The following BCO2 variants were observed in gnomAD, a reference collection of about 807,000 sequenced individuals.
BCO2 encodes carotenoid-cleaving dioxygenase, mitochondrial.
Under a neutral mutation model 65.8 loss-of-function variants are expected in BCO2, and 56 were observed. That is an observed-to-expected ratio of 0.85 (90% CI 0.69 to 1.06). The LOEUF (loss-of-function observed/expected upper bound fraction) is 1.06, where lower values mean the gene tolerates loss of function less well. Among genes scored for constraint, BCO2 ranks in the 50% least tolerant of loss-of-function variants. The pLI is 0.00. For missense variants in BCO2, 675 were observed against 698.5 expected, an observed-to-expected ratio of 0.97 and a Z score of 0.38; for synonymous variants, 233 against 242.3, an observed-to-expected ratio of 0.96 and a Z score of 0.36.
intron 2 of BCO2, among the ~76,000 whole-genome samples, chr11:112,188,234 T>A (rs1175744971): frequency 6.6e-6 from 1 of 152,246 alleles, no homozygotes; most frequent in African/African-American, 2.4e-5. Context: ...AGCCAGCCAG[T>A]CATTCAGGTC....
At chr11:112,200,212 A>G (rs1592853296) in intron 6 of BCO2, among the ~76,000 whole-genome samples, 1 of 152,148 alleles carries the variant, frequency 6.6e-6, no homozygotes, top group Non-Finnish European at 1.5e-5. Context: ...TATTTTCTGT[A>G]CTTTAAATCA....
chr11:112,181,096 G>C, intron 2 of BCO2: 1 of 1,493,750 alleles, frequency 6.7e-7, no homozygotes, highest in East Asian at 2.3e-5. Context: ...GCACTTTAGT[G>C]AATAAAGAAC....
At chr11:112,200,545 T>C in intron 6 of BCO2, 68 bp from the exon 7 acceptor site, 1 of 1,444,260 alleles carries the variant, frequency 6.9e-7, no homozygotes, top group South Asian at 1.3e-5. Flanking sequence ...CAAGTCCCCA[T>C]AACTGGCACA....
intron 8 of BCO2, among the ~76,000 whole-genome samples, chr11:112,206,018 G>T (rs1382076151): frequency 6.6e-6 from 1 of 152,114 alleles, no homozygotes; most frequent in Non-Finnish European, 1.5e-5. Context: ...TATTGAAAAT[G>T]CAAACTTGGG....
At chr11:112,178,838 T>A (rs1866952491) in intron 1 of BCO2, among the ~76,000 whole-genome samples, 1 of 152,218 alleles carries the variant, frequency 6.6e-6, no homozygotes, top group South Asian at 2.1e-4. Context: ...CTGGTATATC[T>A]AAATTACTGG....
At chr11:112,200,517 CGT>C (rs1385007200) in intron 6 of BCO2, 94 bp from the exon 7 acceptor site, 5 of 1,072,002 alleles carry the variant, frequency 4.7e-6, no homozygotes, top group Non-Finnish European at 6.8e-6. Flanking sequence ...GCATCAGTAA[CGT>C]GTCCAGGCAT....
chr11:112,176,461 G>A (rs1866883149), intron 1 of BCO2: 1 of 126,480 alleles, frequency 7.9e-6, no homozygotes, highest in Non-Finnish European at 1.6e-5. Context: ...TGAGTTAGGT[G>A]AGTAAATTTC....
At chr11:112,178,490 C>G (rs1423865465) in intron 1 of BCO2, among the ~76,000 whole-genome samples, 1 of 152,174 alleles carries the variant, frequency 6.6e-6, no homozygotes, top group Non-Finnish European at 1.5e-5. Flanking sequence ...CTGAATCACT[C>G]TTAAACTTTT....
intron 2 of BCO2, chr11:112,182,068 G>T: frequency 3.5e-6 from 1 of 286,462 alleles, no homozygotes; most frequent in South Asian, 4.8e-5. Context: ...CTTCTCAAAA[G>T]AAGACATTTA....
At chr11:112,205,199 C>T (rs555526448) in intron 8 of BCO2, among the ~76,000 whole-genome samples, 6 of 152,284 alleles carry the variant, frequency 3.9e-5, no homozygotes, top group African/African-American at 1.2e-4. Flanking sequence ...CAAGGGTCAT[C>T]TGTATTTTTT....
chr11:112,213,744 A>G lies in BCO2; in HGVS notation c.1215A>G (p.Lys405=), dbSNP rs754292452. The G allele has an allele frequency of 6.2e-7, 1 of 1,613,388 alleles. No homozygotes were observed. Among genetic ancestry groups the G allele is most frequent in the Non-Finnish European group, 8.5e-7 (1 of 1,179,638 alleles). Residue 405 remains lysine, a synonymous_variant, in exon 9 of 12, where the codon AAA becomes AAG. Transcript: ENST00000357685. ...GLDQVHNSAA[K]SFPRRFVLPL... is the part of the protein sequence containing the mutation. ...AACAGGTCCATAATTCAGCAGCCAA[A>G]TCTTTCCCTCGAAGGTTTGTTTTGC...
At chr11:112,194,187 T>C in intron 4 of BCO2, 193 bp downstream of exon 4, 1 of 540,438 alleles carries the variant, frequency 1.9e-6, no homozygotes. Context: ...AATATAATTC[T>C]AAACTCCTTC....
intron 5 of BCO2, among the ~76,000 whole-genome samples, chr11:112,197,547 CA>C (rs67238692): frequency 0.5 from 71,090 of 141,466 alleles, 17,536 homozygotes; most frequent in Non-Finnish European, 0.54. Flanking sequence ...GACCCTGTCT[CA>C]AAAAAAAAAA....
chr11:112,193,385 T>C, intron 2 of BCO2, 89 bp from the exon 3 acceptor site: 1 of 1,215,866 alleles, frequency 8.2e-7, no homozygotes, highest in Non-Finnish European at 1.2e-6. Flanking sequence ...TTCCTTATCT[T>C]TATATTTGAA....
At chr11:112,216,367 G>C in intron 11 of BCO2, 37 bp downstream of exon 11, 1 of 1,468,940 alleles carries the variant, frequency 6.8e-7, no homozygotes, top group Non-Finnish European at 9.5e-7. Flanking sequence ...AGAAAGAAAA[G>C]TAGCACTGAG....
At chr11:112,191,201 C>G (rs968833370) in intron 2 of BCO2, among the ~76,000 whole-genome samples, 1 of 151,608 alleles carries the variant, frequency 6.6e-6, no homozygotes, top group Non-Finnish European at 1.5e-5. Flanking sequence ...TCTCTTTATG[C>G]AAATGATATA....
chr11:112,193,906 A>C lies in BCO2; in HGVS notation c.545A>C (p.Tyr182Ser). 3.7e-6 allele frequency: 6 copies of C among 1,610,954 alleles called. No individual in the cohort carries two copies. The highest frequency in any genetic ancestry group is 5.1e-6 in the Non-Finnish European group (6 of 1,177,084). ...ATGACTGACAATACTAATGTCAACT[A>C]TGTGCGGTACAAGGGTGATTACTAC... ...AAMTDNTNVN[Y>S]VRYKGDYYLC... Residue 182 changes from tyrosine (Y) to serine (S), a missense_variant, in exon 4 of 12, where the codon TAT becomes TCT. By Grantham distance (144) the Tyr-to-Ser change is moderately radical (BLOSUM62 -2). Coordinates refer to ENST00000357685, the MANE Select transcript of BCO2 (RefSeq NM_031938.7).
chr11:112,193,119 A>T (rs897920690), intron 2 of BCO2, among the ~76,000 whole-genome samples: 5 of 151,516 alleles, frequency 3.3e-5, no homozygotes, highest in Non-Finnish European at 5.9e-5. Context: ...CTGGGACTAC[A>T]GGCGCATGCC....
chr11:112,215,470 G>C (rs749708705), intron 10 of BCO2: 4 of 157,386 alleles, frequency 2.5e-5, no homozygotes, highest in Non-Finnish European at 5.6e-5. Context: ...CAGCACTTTG[G>C]GAGGCCGAGG....
Sources: allele counts gnomAD v4.1 joint callset (sites outside exome capture counted in the v4.1 genomes callset), GRCh38; gene constraint gnomAD v4.1.1; transcripts MANE v1.5; gene names NCBI Gene and HGNC (gene_info 2026-07-23, HGNC 2026-07-21).